The following TEKT5 variants were observed in gnomAD, a reference collection of about 807,000 sequenced individuals.
TEKT5 encodes tektin-5.
Under a neutral mutation model 48.7 loss-of-function variants are expected in TEKT5, and 52 were observed. The ratio of observed to expected loss-of-function variants is 1.07; its 90% CI spans 0.86 to 1.35. The LOEUF is 1.35. TEKT5 is among the 40% of genes most tolerant of loss of function. The pLI, the probability that TEKT5 is intolerant of heterozygous loss-of-function variation, is 0.00. For synonymous variants in TEKT5, 318 were observed against 267.6 expected (o/e 1.19, Z -1.84); for missense variants, 831 against 641.6 (o/e 1.30, Z -3.19).
At chr16:10,644,374 A>C (rs922048423) in intron 5 of TEKT5, among the ~76,000 whole-genome samples, 1 of 152,178 alleles carries the variant, frequency 6.6e-6, no homozygotes, top group African/African-American at 2.4e-5. Flanking sequence ...TTTTTCTCAA[A>C]GTGGCGTTCG....
chr16:10,694,283 C>CAGCCCT (rs1199945981), intron 1 of TEKT5, 27 bp downstream of exon 1: 2 of 1,531,662 alleles, frequency 1.3e-6, no homozygotes, highest in African/African-American at 2.8e-5. Flanking sequence ...GACACAGCCA[C>CAGCCCT]AGCCCTGTCC....
intron 3 of TEKT5, among the ~76,000 whole-genome samples, chr16:10,685,606 C>T (rs1178599128): frequency 6.6e-6 from 1 of 152,124 alleles, no homozygotes; most frequent in Non-Finnish European, 1.5e-5. Context: ...CTCTTTTCCT[C>T]TTTCTCCATA....
At chr16:10,657,424 G>T (rs748833474) in intron 5 of TEKT5, among the ~76,000 whole-genome samples, 1 of 152,040 alleles carries the variant, frequency 6.6e-6, no homozygotes, top group Non-Finnish European at 1.5e-5. Context: ...CACCATGCCC[G>T]GCCTAGAGCT....
intron 3 of TEKT5, among the ~76,000 whole-genome samples, chr16:10,688,459 T>C (rs777886177): frequency 2.6e-5 from 4 of 152,214 alleles, no homozygotes; most frequent in Non-Finnish European, 5.9e-5. Context: ...CCACGCCAAC[T>C]GCCCATGTGC....
At chr16:10,661,608 T>C (rs544443217) in intron 5 of TEKT5, among the ~76,000 whole-genome samples, 10 of 152,174 alleles carry the variant, frequency 6.6e-5, no homozygotes, top group South Asian at 4.2e-4. Context: ...GTGTGGACAA[T>C]TGCTAAAGAA....
intron 5 of TEKT5, among the ~76,000 whole-genome samples, chr16:10,657,272 T>A (rs191326562): frequency 6.7e-6 from 1 of 150,134 alleles, no homozygotes; most frequent in Non-Finnish European, 1.5e-5. Flanking sequence ...ATTACAGGCA[T>A]GCACCACCAT....
At chr16:10,637,431 G>C (rs1481202189) in intron 5 of TEKT5, among the ~76,000 whole-genome samples, 1 of 152,024 alleles carries the variant, frequency 6.6e-6, no homozygotes, top group African/African-American at 2.4e-5. Context: ...ATGCAAGAAG[G>C]GAGGGAGGGG....
rs141833531 is a variant in TEKT5 at position 10,678,895 on chromosome 16, G to A, written c.864-2714C>T. Among the ~76,000 whole-genome samples the A allele has an allele frequency of 5.7e-3, 868 of 152,334 alleles. 10 individuals carry two copies. Among genetic ancestry groups the A allele is most frequent in the African/African-American group, 0.02 (816 of 41,574 alleles). ...AGGCAGTGTGTCTCAGTAGGGGGAA[G>A]TGCTTTCTGGAGTCTTTGTTCTCTA... is the stretch of plus-strand genomic sequence containing the variant. On this transcript the variant is annotated intron_variant, in intron 4 of 6. Coordinates refer to ENST00000283025, the MANE Select transcript of TEKT5 (RefSeq NM_144674.2).
chr16:10,634,568 G>A (rs1454188496), intron 6 of TEKT5, among the ~76,000 whole-genome samples: 2 of 152,268 alleles, frequency 1.3e-5, no homozygotes, highest in East Asian at 3.9e-4. Context: ...AATGATGTGG[G>A]GTCCTCCTGG....
At chr16:10,669,215 C>T (rs953308334) in intron 5 of TEKT5, among the ~76,000 whole-genome samples, 1 of 152,090 alleles carries the variant, frequency 6.6e-6, no homozygotes, top group African/African-American at 2.4e-5. Flanking sequence ...CGCCTGTAAT[C>T]CTAGCACTTT....
rs759751835 is a variant in TEKT5 at position 10,694,633 on chromosome 16, G to C, written c.241C>G (p.Leu81Val). 6.2e-7 allele frequency: 1 copy of C among 1,612,934 alleles called. No individual in the cohort carries two copies. The highest frequency in any genetic ancestry group is 1.1e-5 in the South Asian group (1 of 90,842). ...TAGCGAGAGAAGAGTGCGGAGCGCA[G>C]TGTGGGCAGGATGGTGGGCGGCCGC... is the stretch of plus-strand genomic sequence containing the variant. Reference protein sequence around the residue: ...TLRPPTILPTLRSALFSRYSP... With the variant: ...TLRPPTILPTVRSALFSRYSP... The change falls in exon 1 of 7, where the codon CTG becomes GTG. Residue 81 changes from leucine (L) to valine (V), a missense_variant. Leu to Val is a conservative substitution (Grantham distance 32). Coordinates refer to ENST00000283025, the MANE Select transcript of TEKT5 (RefSeq NM_144674.2).
rs1207096716 is a variant in TEKT5 at position 10,677,723 on chromosome 16, G to T, written c.864-1542C>A. On this transcript the variant is annotated intron_variant, in intron 4 of 6. Transcript: ENST00000283025. ...AAGCCCCAGAAAAGGAGGAACCATG[G>T]TTGACCAGTGTGTCTGGGAGGGAGG... Among the ~76,000 whole-genome samples the T allele has an allele frequency of 3.1e-5, 3 of 96,502 alleles. 1 individual carries two copies. The highest frequency in any genetic ancestry group is 1.5e-4 in the African/African-American group (2 of 13,706). The allele number at this position is 96,502 out of a possible 152,430, so 63.3% of individuals were successfully genotyped here.
chr16:10,628,304 A>G (rs919829968), intron 6 of TEKT5, among the ~76,000 whole-genome samples: 1 of 152,226 alleles, frequency 6.6e-6, no homozygotes, highest in Non-Finnish European at 1.5e-5. Flanking sequence ...GAGAACTGTC[A>G]AGGGTAATGT....
intron 3 of TEKT5, among the ~76,000 whole-genome samples, chr16:10,686,737 G>C (rs1898867705): frequency 6.6e-6 from 1 of 152,132 alleles, no homozygotes; most frequent in Non-Finnish European, 1.5e-5. Context: ...AATATGTAAA[G>C]AACTCAGACA....
intron 5 of TEKT5, among the ~76,000 whole-genome samples, chr16:10,654,457 C>T (rs1596406914): frequency 1.3e-5 from 2 of 152,246 alleles, no homozygotes; most frequent in African/African-American, 4.8e-5. Context: ...TGAGGTGTGT[C>T]TGTGAAGGTG....
chr16:10,639,672 T>G (rs74007189), intron 5 of TEKT5, among the ~76,000 whole-genome samples: 1 of 152,174 alleles, frequency 6.6e-6, no homozygotes, highest in Non-Finnish European at 1.5e-5. Flanking sequence ...TACATTGAAA[T>G]ACCATTGTTT....
rs370517764 is a variant in TEKT5 at position 10,689,894 on chromosome 16, C to T, written c.648+48G>A. 3 of 1,593,310 alleles carry T rather than the reference C, an allele frequency of 1.9e-6. No individual in the cohort carries two copies. In the African/African-American group the frequency reaches 4.0e-5, roughly 21 times the overall value. ...CTCAGTAATTTCTCTGACCTGCTGG[C>T]CTTCCCGCCTCCTTCAGGGGGCTGG... On this transcript the variant is annotated intron_variant, in intron 2 of 6. Transcript: ENST00000283025.
At chr16:10,656,790 G>C (rs1206305262) in intron 5 of TEKT5, among the ~76,000 whole-genome samples, 2 of 152,168 alleles carry the variant, frequency 1.3e-5, no homozygotes, top group African/African-American at 2.4e-5. Flanking sequence ...GCCCAGGCTG[G>C]AGGGCAATGG....
intron 3 of TEKT5, among the ~76,000 whole-genome samples, chr16:10,686,602 T>C (rs560779746): frequency 2.0e-5 from 3 of 151,950 alleles, no homozygotes; most frequent in South Asian, 2.1e-4. Context: ...AATAGACAAA[T>C]GAGATTACAT....
Sources: gnomAD v4.1 joint callset for allele counts (sites outside exome capture counted in the v4.1 genomes callset) on GRCh38, gnomAD v4.1.1 for gene constraint, MANE v1.5 for transcripts, NCBI Gene and HGNC (gene_info 2026-07-23, HGNC 2026-07-21) for gene names.